MEX3B: variants seen among roughly 807,000 people sequenced by gnomAD.
MEX3B encodes RNA-binding protein MEX3B.
A neutral mutation model predicts 12.2 loss-of-function variants in MEX3B; 10 were observed. The observed-to-expected ratio is 0.82, with a 90% CI of 0.51 to 1.40. The LOEUF is 1.40. Ranked by LOEUF, MEX3B falls within the 40% of genes most tolerant of loss-of-function variation. The pLI is 0.00. For missense variants in MEX3B, 839 were observed against 801.4 expected (o/e 1.05, Z -0.57); for synonymous variants, 498 against 356.3 (o/e 1.40, Z -4.48).
rs1353987745 is a variant in MEX3B, at chr15:82,043,900, C to A, written c.970G>T (p.Ala324Ser). 3 of 1,594,124 alleles carry A rather than the reference C, an allele frequency of 1.9e-6. No individual in the cohort carries two copies. In the South Asian group the frequency reaches 3.4e-5, roughly 18 times the overall value. ...RLADYSPPSP[A>S]LSFAHNGNNN... Reference sequence around the variant, plus strand: ...TTTCCGTTGTGCGCAAAGCTCAGGGCGGGGCTAGGGGGGCTGTAGTCCGCC... The same window carrying A: ...TTTCCGTTGTGCGCAAAGCTCAGGGAGGGGCTAGGGGGGCTGTAGTCCGCC... The change falls in exon 2 of 2, where the codon GCC becomes TCC. Residue 324 changes from alanine to serine, a missense_variant. By Grantham distance (99) the Ala-to-Ser change is moderately conservative. Transcript: ENST00000329713.
rs2141170999 is a variant in MEX3B at position 82,045,541 on chromosome 15, G to A, written c.165C>T (p.Tyr55=). 1 of 1,612,146 alleles carries A rather than the reference G, an allele frequency of 6.2e-7. No homozygotes were observed. The highest frequency in any genetic ancestry group is 8.5e-7 in the Non-Finnish European group (1 of 1,179,812). The change falls in exon 1 of 2, where the codon TAC becomes TAT. Residue 55 remains tyrosine (Y), a synonymous_variant. Coordinates refer to ENST00000329713, the MANE Select transcript of MEX3B (RefSeq NM_032246.6). ...CGCTCTTCTTGCGCGGCTCGCTGTCGTACAGAGAGGCGCCCTCGTCACTGT... is the reference window on the plus strand; with the variant it reads ...CGCTCTTCTTGCGCGGCTCGCTGTCATACAGAGAGGCGCCCTCGTCACTGT... ...GLDSDEGASL[Y]DSEPRKKSVN...
At chr15:82,045,268 G>T in intron 1 of MEX3B, 182 bp downstream of exon 1, 1 of 775,384 alleles carries the variant, frequency 1.3e-6, no homozygotes, top group Non-Finnish European at 2.2e-6. Context: ...CAGCGGCGCG[G>T]CTCCGGGAGA....
rs771035292 is a variant in MEX3B, at chr15:82,044,633, G to A, written c.257-20C>T. The A allele has an allele frequency of 1.9e-5, 30 of 1,612,796 alleles. No homozygotes were observed. The highest frequency in any genetic ancestry group is 1.6e-4 in the Middle Eastern group (1 of 6,084). On this transcript the variant is annotated intron_variant, in intron 1 of 1. Transcript: ENST00000329713. The surrounding 1 kb of genome is among the most constrained non-coding windows in gnomAD (Gnocchi z 5.3). Reference sequence around the variant, plus strand: ...TACAACCTACGAACCAGGGTGCGGAGGAGGGAGTGGGAGAGAGAGACAGAC... The same window carrying A: ...TACAACCTACGAACCAGGGTGCGGAAGAGGGAGTGGGAGAGAGAGACAGAC...
Position 82,044,611 on chromosome 15 carries a change from A to C in MEX3B, c.259T>G (p.Cys87Gly). 7 of 1,614,072 alleles carry C rather than the reference A, an allele frequency of 4.3e-6. No homozygotes were observed. The highest frequency in any genetic ancestry group is 5.9e-6 in the Non-Finnish European group (7 of 1,180,006). Residue 87 changes from cysteine (C) to glycine (G), a missense_variant and splice_region_variant, in exon 2 of 2, where the codon TGT becomes GGT. Transcript: ENST00000329713. The surrounding 1 kb of genome is among the most constrained non-coding windows in gnomAD (Gnocchi z 5.3). ...TTCGCCCGCAGCGCTTTGATTTTAC[A>C]ACCTACGAACCAGGGTGCGGAGGAG... Reference protein sequence around the residue: ...HVAEIVGRQGCKIKALRAKTN... With the variant: ...HVAEIVGRQGGKIKALRAKTN...
rs960373640 is a variant in MEX3B at position 82,043,101 on chromosome 15, G to A, written c.*59C>T. On this transcript the variant is annotated 3_prime_UTR_variant, in exon 2 of 2. Coordinates refer to ENST00000329713, the MANE Select transcript of MEX3B (RefSeq NM_032246.6). ...GAGGCAGGCGAGCGCTGGGGAAAGA[G>A]GGTGGGGAGGGGTTCCCCCTTCCCC... is the stretch of plus-strand genomic sequence containing the variant. The A allele has an allele frequency of 5.0e-5, 70 of 1,404,772 alleles. No homozygotes were observed. The African/African-American group carries it at 8.8e-4, about 18-fold the overall frequency. The allele number at this position is 1,404,772 out of a possible 1,614,324, so 87.0% of individuals were successfully genotyped here.
intron 1 of MEX3B, 38 bp downstream of exon 1, chr15:82,045,412 A>ACCCCCCCCCCCCCC: frequency 6.4e-7 from 1 of 1,573,608 alleles, no homozygotes; most frequent in Non-Finnish European, 8.6e-7. Context: ...GAGACCCTAC[A>ACCCCCCCCCCCCCC]CCACCCCCAC....
rs1196470865 is a variant in MEX3B, at chr15:82,043,477, C to T, written c.1393G>A (p.Gly465Ser). The change falls in exon 2 of 2, where the codon GGT becomes AGT. Residue 465 changes from glycine to serine, a missense_variant. Coordinates refer to ENST00000329713, the MANE Select transcript of MEX3B (RefSeq NM_032246.6). ...HLARRVRSDP[G>S]GGGLAYAAYA... is the part of the protein sequence containing the mutation. ...GCGGCGTAGGCCAGGCCTCCTCCAC[C>T]CGGGTCGCTGCGCACCCGGCGAGCC... 3.3e-6 allele frequency: 5 copies of T among 1,529,618 alleles called. No individual in the cohort carries two copies. In the South Asian group the frequency reaches 3.7e-5, roughly 11 times the overall value. The allele number at this position is 1,529,618 out of a possible 1,614,324, so 94.8% of individuals were successfully genotyped here.
At position 82,042,622 on chromosome 15, in the gene MEX3B, C is replaced by A. The variant is rs1373212216; in HGVS notation, c.*538G>T. 3 of 152,640 alleles carry A rather than the reference C, an allele frequency of 2.0e-5. No homozygotes were observed. The highest frequency in any genetic ancestry group is 6.5e-5 in the Admixed American group (1 of 15,288). The allele number at this position is 152,640 out of a possible 1,614,324, so 9.5% of individuals were successfully genotyped here. A position where few individuals can be genotyped will look rare whatever the true frequency, so the allele number is the denominator to read the frequency against. On this transcript the variant is annotated 3_prime_UTR_variant, in exon 2 of 2. Coordinates refer to ENST00000329713, the MANE Select transcript of MEX3B (RefSeq NM_032246.6). ...ATAAAGCTGCAGTATCCTGGTTTCA[C>A]AGGAACTCCTGGCCCTTCCACGAAC... is the stretch of plus-strand genomic sequence containing the variant.
Position 82,043,236 on chromosome 15 carries a change from C to T in MEX3B, c.1634G>A (p.Arg545His), listed in dbSNP as rs1256978656. The T allele has an allele frequency of 1.9e-6, 3 of 1,596,546 alleles. No homozygotes were observed. Among genetic ancestry groups the T allele is most frequent in the East Asian group, 2.2e-5 (1 of 44,660 alleles). ...HNLFCMECAN[R>H]ICEKSEPECP... ...CTCGGGCTCGCTCTTCTCACAGATG[C>T]GATTGGCGCACTCCATGCAGAAGAG... Residue 545 changes from arginine (R) to histidine (H), a missense_variant, in exon 2 of 2, where the codon CGC becomes CAC. This residue lies in a region of MEX3B where 573 missense variants were observed against 488.9 expected (regional missense o/e 1.17). Transcript: ENST00000329713.
chr15:82,044,650 G>T lies in MEX3B; in HGVS notation c.257-37C>A. ...GGTGCGGAGGAGGGAGTGGGAGAGAGAGACAGACACGCCCATTATCCTGGG... is the reference window on the plus strand; with the variant it reads ...GGTGCGGAGGAGGGAGTGGGAGAGATAGACAGACACGCCCATTATCCTGGG... On this transcript the variant is annotated intron_variant, in intron 1 of 1. Transcript: ENST00000329713. The surrounding 1 kb of genome is among the most constrained non-coding windows in gnomAD (Gnocchi z 5.3). 1 of 1,605,084 alleles carries T rather than the reference G, an allele frequency of 6.2e-7. No homozygotes were observed. Among genetic ancestry groups the T allele is most frequent in the Non-Finnish European group, 8.5e-7 (1 of 1,172,532 alleles).
In MEX3B at chr15:82,043,960, C is replaced by T; in HGVS notation, c.910G>A (p.Gly304Arg). The change falls in exon 2 of 2, where the codon GGG (glycine) becomes AGG (arginine). Residue 304 changes from glycine to arginine, a missense_variant. Physicochemically the swap from Gly to Arg is moderately radical, Grantham distance 125 (BLOSUM62 -2). Transcript: ENST00000329713. Reference sequence around the variant, plus strand: ...GTAGCCGCTGCGCTGCTGCTGGTCCCGCCGCCGAAATAAGAGTCTGTGGAA... The same window carrying T: ...GTAGCCGCTGCGCTGCTGCTGGTCCTGCCGCCGAAATAAGAGTCTGTGGAA... The part of the protein sequence containing the change: ...SASTDSYFGG[G>R]TSSSAAATQR... The T allele has an allele frequency of 1.2e-6, 2 of 1,608,514 alleles. No homozygotes were observed. Among genetic ancestry groups the T allele is most frequent in the East Asian group, 2.2e-5 (1 of 44,834 alleles).
rs766495716 is a variant in MEX3B, at chr15:82,043,646, G to A, written c.1224C>T (p.Ser408=). The change falls in exon 2 of 2, where the codon TCC becomes TCT. Residue 408 remains serine (S), a synonymous_variant. Transcript: ENST00000329713. Reference sequence around the variant, plus strand: ...TGGCGCCACCCCCGGGGAAGACCACGGAGGAGGAAGAAGCAGACGAAGATG... The same window carrying A: ...TGGCGCCACCCCCGGGGAAGACCACAGAGGAGGAAGAAGCAGACGAAGATG... ...SSASSSASSS[S]VVFPGGGASA... The A allele has an allele frequency of 6.2e-7, 1 of 1,609,788 alleles. No individual in the cohort carries two copies. The highest frequency in any genetic ancestry group is 1.1e-5 in the South Asian group (1 of 90,616).
In MEX3B at chr15:82,043,647, G is replaced by A; in HGVS notation, c.1223C>T (p.Ser408Phe). Residue 408 changes from serine to phenylalanine, a missense_variant, in exon 2 of 2, where the codon TCC (serine) becomes TTC (phenylalanine). Around this residue, in one of 3 missense-constraint regions of MEX3B, gnomAD observed 573 missense variants for 488.9 expected, o/e 1.17. Coordinates refer to ENST00000329713, the MANE Select transcript of MEX3B (RefSeq NM_032246.6). ...SSASSSASSS[S>F]VVFPGGGASA... is the part of the protein sequence containing the mutation. Reference sequence around the variant, plus strand: ...GGCGCCACCCCCGGGGAAGACCACGGAGGAGGAAGAAGCAGACGAAGATGC... The same window carrying A: ...GGCGCCACCCCCGGGGAAGACCACGAAGGAGGAAGAAGCAGACGAAGATGC... 1 of 1,610,134 alleles carries A rather than the reference G, an allele frequency of 6.2e-7. No homozygotes were observed. Among genetic ancestry groups the A allele is most frequent in the Non-Finnish European group, 8.5e-7 (1 of 1,178,380 alleles).
rs1397257684 is a variant in MEX3B at position 82,044,327 on chromosome 15, G to A, written c.543C>T (p.Ala181=). The stretch of plus-strand genomic sequence containing the variant: ...TCTGCTGCTGGATGCGCTTGATTGT[G>A]GCGCCTTTGGGCCCCACCACGAGCC... ...VVGLVVGPKG[A]TIKRIQQQTH... is the part of the protein sequence containing the mutation. The change falls in exon 2 of 2, where the codon GCC becomes GCT. Residue 181 remains alanine, a synonymous_variant. Transcript: ENST00000329713. The surrounding 1 kb of genome is among the most constrained non-coding windows in gnomAD (Gnocchi z 5.3). The A allele has an allele frequency of 1.2e-6, 2 of 1,612,700 alleles. No individual in the cohort carries two copies. The highest frequency in any genetic ancestry group is 1.1e-5 in the South Asian group (1 of 91,078).
Position 82,045,015 on chromosome 15 carries a change from G to A in MEX3B, c.257-402C>T, listed in dbSNP as rs1192626900. ...CTCAGCGCTGGTCGACTGGGGGTAG[G>A]GGGTGGGGTGTGAGTCCCGGGACCC... On this transcript the variant is annotated intron_variant, in intron 1 of 1. Coordinates refer to ENST00000329713, the MANE Select transcript of MEX3B (RefSeq NM_032246.6). 8 of 588,244 alleles carry A rather than the reference G, an allele frequency of 1.4e-5. No homozygotes were observed. In the South Asian group the frequency reaches 1.7e-4, roughly 12 times the overall value. 36.4% of individuals were successfully genotyped at this position (588,244 alleles called of 1,614,324 possible).
At position 82,045,637 on chromosome 15, in the gene MEX3B, T is replaced by G; in HGVS notation, c.69A>C (p.Gly23=). ...TTTGGTCATCCAGGGTCTCTCCCCCTCCGCTGCTGCCGCCGCCGCCGCCGC... is the reference window on the plus strand; with the variant it reads ...TTTGGTCATCCAGGGTCTCTCCCCCGCCGCTGCTGCCGCCGCCGCCGCCGC... ...GSGGGGGGSS[G]GGETLDDQRA... Residue 23 remains glycine (G), a synonymous_variant, in exon 1 of 2, where the codon GGA becomes GGC. Coordinates refer to ENST00000329713, the MANE Select transcript of MEX3B (RefSeq NM_032246.6). 1.9e-6 allele frequency: 3 copies of G among 1,586,384 alleles called. No homozygotes were observed. The highest frequency in any genetic ancestry group is 1.7e-6 in the Non-Finnish European group (2 of 1,170,618).
Position 82,044,555 on chromosome 15 carries a change from G to C in MEX3B, c.315C>G (p.Arg105=). The change falls in exon 2 of 2, where the codon CGC becomes CGG. Residue 105 remains arginine, a synonymous_variant. Coordinates refer to ENST00000329713, the MANE Select transcript of MEX3B (RefSeq NM_032246.6). This position sits in a 1 kb window ranked among gnomAD's most constrained non-coding sequence, Gnocchi z 5.3. ...KTNTYIKTPV[R]GEEPVFVVTG... ...TCACAACAAAGACAGGCTCCTCCCC[G>C]CGAACTGGGGTCTTGATGTAAGTAT... The C allele has an allele frequency of 1.9e-6, 3 of 1,614,142 alleles. No homozygotes were observed. The highest frequency in any genetic ancestry group is 2.5e-6 in the Non-Finnish European group (3 of 1,180,022).
rs1269384656 is a variant in MEX3B at position 82,043,964 on chromosome 15, G to A, written c.906C>T (p.Gly302=). ...LGSASTDSYF[G]GGTSSSAAAT... Reference sequence around the variant, plus strand: ...CCGCTGCGCTGCTGCTGGTCCCGCCGCCGAAATAAGAGTCTGTGGAAGCAC... The same window carrying A: ...CCGCTGCGCTGCTGCTGGTCCCGCCACCGAAATAAGAGTCTGTGGAAGCAC... Residue 302 remains glycine (G), a synonymous_variant, in exon 2 of 2, where the codon GGC becomes GGT. Coordinates refer to ENST00000329713, the MANE Select transcript of MEX3B (RefSeq NM_032246.6). 9 of 1,608,806 alleles carry A rather than the reference G, an allele frequency of 5.6e-6. No individual in the cohort carries two copies. The highest frequency in any genetic ancestry group is 1.7e-4 in the Middle Eastern group (1 of 6,060).
In MEX3B at chr15:82,045,553, G is replaced by A. The variant is rs768227944; in HGVS notation, c.153C>T (p.Gly51=). 1.2e-5 allele frequency: 19 copies of A among 1,608,774 alleles called. No homozygotes were observed. Among genetic ancestry groups the A allele is most frequent in the Non-Finnish European group, 1.6e-5 (19 of 1,178,858 alleles). ...GCGGCTCGCTGTCGTACAGAGAGGC[G>A]CCCTCGTCACTGTCCAGCCCCAGCA... ...LSLLGLDSDE[G]ASLYDSEPRK... The change falls in exon 1 of 2, where the codon GGC becomes GGT. Residue 51 remains glycine, a synonymous_variant. Transcript: ENST00000329713.
Sources: gnomAD v4.1 joint callset for allele counts on GRCh38, gnomAD v4.1.1 for gene constraint, gnomAD v4.1.1 regional missense constraint, Gnocchi (gnomAD v3.1) non-coding constraint, MANE v1.5 for transcripts, NCBI Gene and HGNC (gene_info 2026-07-23, HGNC 2026-07-21) for gene names.